The following ITFG1 variants were observed in gnomAD, a reference collection of about 807,000 sequenced individuals.
ITFG1 encodes T-cell immunomodulatory protein.
In ITFG1, 34 loss-of-function variants were observed where a neutral mutation model predicts 81.8. That is an observed-to-expected ratio of 0.42 (90% CI 0.32 to 0.55). The LOEUF is 0.55. Among genes scored for constraint, ITFG1 ranks in the 20% least tolerant of loss-of-function variants. The probability of loss-of-function intolerance (pLI) is 0.17; values close to 1 mark genes in which losing one functional copy is unlikely to be tolerated. For synonymous variants in ITFG1, 285 were observed against 270.6 expected, an observed-to-expected ratio of 1.05 and a Z score of -0.52; for missense variants, 672 against 755.4, an observed-to-expected ratio of 0.89 and a Z score of 1.29.
At chr16:47,422,144 T>C (rs2151607075) in intron 6 of ITFG1, among the ~76,000 whole-genome samples, 1 of 152,328 alleles carries the variant, frequency 6.6e-6, no homozygotes, top group East Asian at 1.9e-4. Context: ...AACATACGTG[T>C]GCATGTGTCT....
At chr16:47,187,068 C>A (rs1307725602) in intron 14 of ITFG1, among the ~76,000 whole-genome samples, 1 of 151,950 alleles carries the variant, frequency 6.6e-6, no homozygotes, top group Admixed American at 6.6e-5. Flanking sequence ...TGTGAAGGAC[C>A]TCTTCAAGGA....
In ITFG1 at chr16:47,402,013, T is replaced by C. The variant is rs146883599; in HGVS notation, c.656-26073A>G. Among the ~76,000 whole-genome samples, 1,138 of 152,302 alleles carry C rather than the reference T, an allele frequency of 7.5e-3. 19 individuals carry two copies. Among genetic ancestry groups the C allele is most frequent in the African/African-American group, 0.026 (1,078 of 41,550 alleles). ...CTCTTCATGATGACATATTTTCTCG[T>C]TTATTTTCTCATCCCCAAGGGGCTG... On this transcript the variant is annotated intron_variant, in intron 6 of 17. Coordinates refer to ENST00000320640, the MANE Select transcript of ITFG1 (RefSeq NM_030790.5).
chr16:47,409,564 C>T (rs1380243614), intron 6 of ITFG1, among the ~76,000 whole-genome samples: 2 of 148,852 alleles, frequency 1.3e-5, no homozygotes, highest in Non-Finnish European at 1.5e-5. Flanking sequence ...TACAGGCGCA[C>T]ACCACCACAC....
chr16:47,271,654 T>C (rs577994384), intron 10 of ITFG1, among the ~76,000 whole-genome samples: 3 of 152,304 alleles, frequency 2.0e-5, no homozygotes, highest in East Asian at 1.9e-4. Context: ...GGTCAGGAGA[T>C]TGAGACCATC....
At chr16:47,410,634 C>T (rs546525065) in intron 6 of ITFG1, among the ~76,000 whole-genome samples, 4 of 152,154 alleles carry the variant, frequency 2.6e-5, no homozygotes, top group African/African-American at 7.2e-5. Flanking sequence ...AGCACCTTGA[C>T]GAGTTCCTGG....
chr16:47,167,122 C>A (rs1438358432), intron 14 of ITFG1, among the ~76,000 whole-genome samples: 1 of 152,210 alleles, frequency 6.6e-6, no homozygotes, highest in Non-Finnish European at 1.5e-5. Context: ...CTCTAATCTG[C>A]TTTCATTCTC....
chr16:47,262,352 A>T (rs1966219400), intron 10 of ITFG1, among the ~76,000 whole-genome samples: 1 of 152,232 alleles, frequency 6.6e-6, no homozygotes, highest in African/African-American at 2.4e-5. Context: ...CTAACAATGA[A>T]TTTTAAAATT....
intron 6 of ITFG1, among the ~76,000 whole-genome samples, chr16:47,395,021 A>G (rs1343575696): frequency 6.6e-6 from 1 of 152,164 alleles, no homozygotes; most frequent in East Asian, 1.9e-4. Flanking sequence ...ATGATTATGG[A>G]CAATTTCTAC....
At chr16:47,431,365 T>C (rs1969093598) in intron 5 of ITFG1, among the ~76,000 whole-genome samples, 1 of 152,214 alleles carries the variant, frequency 6.6e-6, no homozygotes, top group African/African-American at 2.4e-5. Flanking sequence ...CTGCGAACCC[T>C]ATTGTGAAAT....
chr16:47,408,885 T>C (rs1447833551), intron 6 of ITFG1, among the ~76,000 whole-genome samples: 2 of 152,176 alleles, frequency 1.3e-5, no homozygotes, highest in African/African-American at 4.8e-5. Flanking sequence ...GTTTATGTGA[T>C]CTATACCTGT....
At chr16:47,250,063 A>G (rs1397259330) in intron 12 of ITFG1, among the ~76,000 whole-genome samples, 1 of 152,228 alleles carries the variant, frequency 6.6e-6, no homozygotes, top group Non-Finnish European at 1.5e-5. Context: ...TCTTTAAGAC[A>G]TATGAACACA....
Position 47,326,529 on chromosome 16 carries a change from A to G in ITFG1, c.803-12706T>C, listed in dbSNP as rs867721900. Among the ~76,000 whole-genome samples the G allele has an allele frequency of 7.0e-4, 106 of 152,320 alleles. No individual in the cohort carries two copies. The Middle Eastern group carries it at 0.014, about 20-fold the overall frequency. ...CATTCAATTAGGAAAAGAGGAAGTC[A>G]AATTGTCCCTGTTTGCAGATGACAT... On this transcript the variant is annotated intron_variant, in intron 8 of 17. Transcript: ENST00000320640.
intron 14 of ITFG1, among the ~76,000 whole-genome samples, chr16:47,187,645 A>C (rs1399459050): frequency 6.6e-6 from 1 of 151,100 alleles, no homozygotes; most frequent in Non-Finnish European, 1.5e-5. Context: ...ATTAGACCTA[A>C]AACCATAAAA....
chr16:47,174,464 C>T (rs1308324272), intron 14 of ITFG1, among the ~76,000 whole-genome samples: 2 of 152,040 alleles, frequency 1.3e-5, no homozygotes, highest in African/African-American at 2.4e-5. Context: ...AGTGTGTGTG[C>T]GCGTGTATGT....
chr16:47,230,894 G>A (rs1965810142), intron 13 of ITFG1, among the ~76,000 whole-genome samples: 1 of 152,104 alleles, frequency 6.6e-6, no homozygotes, highest in African/African-American at 2.4e-5. Flanking sequence ...GACTACAGGC[G>A]CCCGACACCA....
At chr16:47,366,483 T>C (rs908503596) in intron 7 of ITFG1, among the ~76,000 whole-genome samples, 4 of 152,250 alleles carry the variant, frequency 2.6e-5, no homozygotes, top group East Asian at 1.9e-4. Flanking sequence ...CTAAGCTAAA[T>C]AGAAAAGGAG....
chr16:47,252,939 T>C (rs1342103646), intron 12 of ITFG1, among the ~76,000 whole-genome samples: 1 of 152,178 alleles, frequency 6.6e-6, no homozygotes, highest in African/African-American at 2.4e-5. Flanking sequence ...TCCAAATGAT[T>C]GCTTTAAATT....
chr16:47,211,597 G>C (rs889077870), intron 14 of ITFG1, among the ~76,000 whole-genome samples: 1 of 152,102 alleles, frequency 6.6e-6, no homozygotes, highest in Non-Finnish European at 1.5e-5. Flanking sequence ...CCTAATCTTC[G>C]ACGCAGACCA....
chr16:47,222,574 C>T (rs987566963), intron 13 of ITFG1, among the ~76,000 whole-genome samples: 29 of 151,922 alleles, frequency 1.9e-4, no homozygotes, highest in African/African-American at 4.8e-4. Context: ...CCACCAGGCC[C>T]GGCTAATTTT....
Sources: allele counts gnomAD v4.1 joint callset (sites outside exome capture counted in the v4.1 genomes callset), GRCh38; gene constraint gnomAD v4.1.1; transcripts MANE v1.5; gene names NCBI Gene and HGNC (gene_info 2026-07-23, HGNC 2026-07-21).